ZFAND3: variants seen among roughly 807,000 people sequenced by gnomAD.
ZFAND3 encodes AN1-type zinc finger protein 3.
A neutral mutation model predicts 29.6 loss-of-function variants in ZFAND3; 10 were observed. The ratio of observed to expected loss-of-function variants is 0.34; its 90% confidence interval spans 0.21 to 0.57. ZFAND3 has a LOEUF of 0.57. ZFAND3 is among the 20% of genes least tolerant of loss of function. The probability of loss-of-function intolerance (pLI) is 0.86; values close to 1 mark genes in which losing one functional copy is unlikely to be tolerated. For missense variants in ZFAND3, 230 were observed against 304.5 expected, an observed-to-expected ratio of 0.76 and a Z score of 1.82; for synonymous variants, 128 against 112.6, an observed-to-expected ratio of 1.14 and a Z score of -0.87.
intron 5 of ZFAND3, among the ~76,000 whole-genome samples, chr6:38,121,704 A>G (rs1481413303): frequency 6.6e-6 from 1 of 152,198 alleles, no homozygotes; most frequent in Non-Finnish European, 1.5e-5. Flanking sequence ...TACTACATAA[A>G]TAATCACGCA....
chr6:38,003,853 T>C, intron 2 of ZFAND3: 1 of 443,412 alleles, frequency 2.3e-6, no homozygotes, highest in Non-Finnish European at 4.5e-6. Flanking sequence ...TCCTTCTGCC[T>C]TCAGGGAACC....
chr6:37,969,612 A>G (rs894830224), intron 2 of ZFAND3, among the ~76,000 whole-genome samples: 3 of 152,212 alleles, frequency 2.0e-5, no homozygotes, highest in Non-Finnish European at 4.4e-5. Context: ...GTACCATGGT[A>G]AAGTTGAAAA....
At chr6:38,127,689 CAT>C (rs1330907419) in intron 5 of ZFAND3, among the ~76,000 whole-genome samples, 6 of 151,694 alleles carry the variant, frequency 4.0e-5, no homozygotes, top group Non-Finnish European at 5.9e-5. Context: ...CATTTAGTCT[CAT>C]CTCTTTTTTT....
Position 37,908,552 on chromosome 6 carries a change from A to G in ZFAND3, c.72-21407A>G, listed in dbSNP as rs6903313. Among the ~76,000 whole-genome samples, 17 of 113,832 alleles carry G rather than the reference A, an allele frequency of 1.5e-4. 1 individual carries two copies. The highest frequency in any genetic ancestry group is 2.2e-4 in the Non-Finnish European group (13 of 58,598). 74.7% of individuals were successfully genotyped at this position (113,832 alleles called of 152,430 possible). A position where few individuals can be genotyped will look rare whatever the true frequency, so the allele number is the denominator to read the frequency against. Reference sequence around the variant, plus strand: ...ATTAAAAAAAAAAATTAAAAAAAAAAAAAAAAAGAAAAAAAAGAAAATAAT... The same window carrying G: ...ATTAAAAAAAAAAATTAAAAAAAAAGAAAAAAAGAAAAAAAAGAAAATAAT... On this transcript the variant is annotated intron_variant, in intron 1 of 5. Coordinates refer to ENST00000287218, the MANE Select transcript of ZFAND3 (RefSeq NM_021943.3).
chr6:37,821,361 C>T (rs1392286372), intron 1 of ZFAND3, among the ~76,000 whole-genome samples: 1 of 152,204 alleles, frequency 6.6e-6, no homozygotes, highest in African/African-American at 2.4e-5. Context: ...ATAAAAAGTC[C>T]TAAAAATGTG....
At chr6:38,110,353 C>T (rs1016976057) in intron 4 of ZFAND3, among the ~76,000 whole-genome samples, 2 of 152,040 alleles carry the variant, frequency 1.3e-5, no homozygotes, top group Non-Finnish European at 2.9e-5. Flanking sequence ...TTTCATGGCA[C>T]ACAGAGTAAA....
chr6:37,924,647 C>T (rs1328454371), intron 1 of ZFAND3, among the ~76,000 whole-genome samples: 1 of 151,694 alleles, frequency 6.6e-6, no homozygotes, highest in Non-Finnish European at 1.5e-5. Flanking sequence ...TCAGCCTGGG[C>T]AACAAAGTAA....
intron 2 of ZFAND3, among the ~76,000 whole-genome samples, chr6:37,963,162 A>G (rs1762229049): frequency 6.6e-6 from 1 of 152,214 alleles, no homozygotes. Context: ...CGAGACCAAG[A>G]ACCCACTGGA....
chr6:38,073,089 A>G (rs1185215563), intron 3 of ZFAND3, among the ~76,000 whole-genome samples: 1 of 152,190 alleles, frequency 6.6e-6, no homozygotes, highest in African/African-American at 2.4e-5. Flanking sequence ...GCTGTGGTAC[A>G]GCTAGCTATG....
At chr6:37,858,749 G>T (rs573674049) in intron 1 of ZFAND3, among the ~76,000 whole-genome samples, 3 of 152,258 alleles carry the variant, frequency 2.0e-5, no homozygotes, top group South Asian at 4.1e-4. Flanking sequence ...ATCTATAAAA[G>T]GTTAAGATGT....
At chr6:37,886,280 A>AAAAAAAAAAAAAAAAAAAAAAAAAAAAAC (rs1561922411) in intron 1 of ZFAND3, among the ~76,000 whole-genome samples, 1 of 128,864 alleles carries the variant, frequency 7.8e-6, no homozygotes, top group African/African-American at 3.0e-5. Context: ...AAAAAAAAAA[A>AAAAAAAAAAAAAAAAAAAAAAAAAAAAAC]AGTTCAAAGA....
intron 2 of ZFAND3, among the ~76,000 whole-genome samples, chr6:37,934,531 A>T (rs1242035086): frequency 2.0e-5 from 2 of 100,650 alleles, no homozygotes; most frequent in South Asian, 3.5e-4. Flanking sequence ...AGTCTATTTA[A>T]AAAAAAAAAA....
intron 2 of ZFAND3, among the ~76,000 whole-genome samples, chr6:37,963,911 A>G (rs1483914459): frequency 1.3e-5 from 2 of 152,212 alleles, no homozygotes; most frequent in South Asian, 2.1e-4. Flanking sequence ...TTCCTGTACT[A>G]TTCCCAACAT....
intron 1 of ZFAND3, among the ~76,000 whole-genome samples, chr6:37,854,767 C>T (rs1301056281): frequency 4.1e-5 from 2 of 48,408 alleles, no homozygotes; most frequent in South Asian, 6.8e-4. Flanking sequence ...CTAAAATGCC[C>T]CCCCCCCCCT....
At chr6:37,886,280 A>AAAAAAAAAAAAAAAAAAAAAC (rs1561922411) in intron 1 of ZFAND3, among the ~76,000 whole-genome samples, 3 of 128,862 alleles carry the variant, frequency 2.3e-5, no homozygotes, top group African/African-American at 9.1e-5. Flanking sequence ...AAAAAAAAAA[A>AAAAAAAAAAAAAAAAAAAAAC]AGTTCAAAGA....
intron 2 of ZFAND3, among the ~76,000 whole-genome samples, chr6:38,046,278 A>G (rs928284114): frequency 1.1e-4 from 17 of 152,372 alleles, no homozygotes; most frequent in African/African-American, 3.6e-4. Flanking sequence ...TGTCGTCTAC[A>G]TAGAACTTGA....
At chr6:38,082,168 G>C (rs1414332169) in intron 3 of ZFAND3, among the ~76,000 whole-genome samples, 1 of 144,180 alleles carries the variant, frequency 6.9e-6, no homozygotes, top group African/African-American at 2.6e-5. Context: ...TGTGTGAAAA[G>C]CATGTTAGAA....
chr6:37,890,093 T>A (rs11753118), intron 1 of ZFAND3, among the ~76,000 whole-genome samples: 9,977 of 152,282 alleles, frequency 0.066, 390 homozygotes, highest in Non-Finnish European at 0.085. Flanking sequence ...GACATGTAGC[T>A]GCTAATAATA....
chr6:37,932,473 A>C (rs1490423760), intron 2 of ZFAND3, among the ~76,000 whole-genome samples: 1 of 152,162 alleles, frequency 6.6e-6, no homozygotes, highest in Non-Finnish European at 1.5e-5. Context: ...AATCTGAGAA[A>C]AACAAATCCC....
Sources: gnomAD v4.1 joint callset for allele counts (sites outside exome capture counted in the v4.1 genomes callset) on GRCh38, gnomAD v4.1.1 for gene constraint, MANE v1.5 for transcripts, NCBI Gene and HGNC (gene_info 2026-07-23, HGNC 2026-07-21) for gene names.